The following SKIC3 variants were observed in gnomAD, a reference collection of about 807,000 sequenced individuals.
SKIC3 encodes the protein SKI3 subunit of superkiller complex, also known as superkiller complex protein 3.
At chr5:95,514,447 A>G in the SKIC3 span, among the ~76,000 whole-genome samples, 4 of 152,204 alleles carry the variant, frequency 2.6e-5, no homozygotes, top group East Asian at 7.7e-4. Context: ...TTTTACAGAA[A>G]CATAATATTC....
chr5:95,465,044 C>T, the SKIC3 span, among the ~76,000 whole-genome samples: 445 of 151,276 alleles, frequency 2.9e-3, 4 homozygotes, highest in East Asian at 6.3e-3. Context: ...TCTCCCACCT[C>T]AGCCTTCCAA....
the SKIC3 span, among the ~76,000 whole-genome samples, chr5:95,470,260 G>A: frequency 1.3e-5 from 2 of 152,216 alleles, no homozygotes; most frequent in East Asian, 1.9e-4. Context: ...TTACAGGCGT[G>A]AGCCACCGCG....
At chr5:95,463,918 A>G in the SKIC3 span, 1 of 152,224 alleles carries the variant, frequency 6.6e-6, no homozygotes, top group African/African-American at 2.4e-5. Flanking sequence ...TTTATTTCAG[A>G]AAGTTCAAGT....
At chr5:95,492,345 C>T in the SKIC3 span, among the ~76,000 whole-genome samples, 1 of 149,882 alleles carries the variant, frequency 6.7e-6, no homozygotes, top group African/African-American at 2.5e-5. Context: ...TCCTATAAAA[C>T]AAGACAACTG....
chr5:95,552,510 C>G, the SKIC3 span, among the ~76,000 whole-genome samples: 1 of 151,998 alleles, frequency 6.6e-6, no homozygotes, highest in African/African-American at 2.4e-5. Flanking sequence ...CAAGGCTTAC[C>G]AGTGTTAACA....
the SKIC3 span, among the ~76,000 whole-genome samples, chr5:95,544,731 T>G: frequency 4.6e-3 from 704 of 152,352 alleles, 6 homozygotes; most frequent in African/African-American, 0.016. Flanking sequence ...AGTTAAGTAC[T>G]GACTATCTGC....
At chr5:95,500,482 A>T in the SKIC3 span, among the ~76,000 whole-genome samples, 1 of 152,178 alleles carries the variant, frequency 6.6e-6, no homozygotes, top group African/African-American at 2.4e-5. Context: ...CTTTAACATT[A>T]ATAAAGGGAA....
At chr5:95,499,929 A>G in the SKIC3 span, among the ~76,000 whole-genome samples, 1 of 152,138 alleles carries the variant, frequency 6.6e-6, no homozygotes, top group Non-Finnish European at 1.5e-5. Context: ...TAATTTAAAT[A>G]AAGAAAATCT....
the SKIC3 span, chr5:95,523,284 T>C: frequency 1.9e-6 from 3 of 1,613,768 alleles, no homozygotes; most frequent in Admixed American, 3.3e-5. Context: ...GTTCCAGCAC[T>C]TGCCTTTTGA....
the SKIC3 span, among the ~76,000 whole-genome samples, chr5:95,487,386 T>C: frequency 6.6e-6 from 1 of 152,152 alleles, no homozygotes; most frequent in East Asian, 1.9e-4. Context: ...GCAATCCATC[T>C]AATAGAGGCA....
the SKIC3 span, among the ~76,000 whole-genome samples, chr5:95,515,253 C>G: frequency 1.8e-4 from 28 of 152,220 alleles, no homozygotes; most frequent in East Asian, 5.2e-3. Context: ...TTAAATAAGG[C>G]TATCTATTCC....
chr5:95,541,739 C>T, the SKIC3 span: 5 of 1,045,430 alleles, frequency 4.8e-6, no homozygotes. Context: ...TGCTGGAATA[C>T]TTCTACATGA....
chr5:95,476,519 T>C, the SKIC3 span, among the ~76,000 whole-genome samples: 1 of 152,240 alleles, frequency 6.6e-6, no homozygotes, highest in African/African-American at 2.4e-5. Context: ...GCATACCTTT[T>C]ATTCCTTTAT....
chr5:95,546,233 C>T, the SKIC3 span, among the ~76,000 whole-genome samples: 5 of 151,294 alleles, frequency 3.3e-5, no homozygotes, highest in African/African-American at 9.7e-5. Flanking sequence ...AAAACTACAG[C>T]GGAGTTCACT....
the SKIC3 span, among the ~76,000 whole-genome samples, chr5:95,553,355 C>A: frequency 0.067 from 10,215 of 152,252 alleles, 406 homozygotes; most frequent in South Asian, 0.14. Flanking sequence ...TTAAATATAA[C>A]TTTTATGAAT....
At chr5:95,536,941 G>A in the SKIC3 span, 1 of 1,608,958 alleles carries the variant, frequency 6.2e-7, no homozygotes, top group African/African-American at 1.3e-5. Flanking sequence ...AAATATAAAA[G>A]CAAAATACAC....
chr5:95,531,119 C>G, the SKIC3 span, among the ~76,000 whole-genome samples: 1 of 151,870 alleles, frequency 6.6e-6, no homozygotes, highest in African/African-American at 2.4e-5. Flanking sequence ...GAAGCCCAAA[C>G]CACATGTAGA....
chr5:95,507,049 A>T, the SKIC3 span: 9,820 of 1,573,524 alleles, frequency 6.2e-3, 106 homozygotes, highest in South Asian at 0.037. Flanking sequence ...ATCTCTGTGC[A>T]ATAGCATTCT....
chr5:95,506,086 T>C, the SKIC3 span, among the ~76,000 whole-genome samples: 17 of 152,344 alleles, frequency 1.1e-4, no homozygotes, highest in Admixed American at 9.1e-4. Context: ...GTCCTCTGCT[T>C]CAACAAAATC....
Sources: allele counts gnomAD v4.1 joint callset (sites outside exome capture counted in the v4.1 genomes callset), GRCh38; gene constraint gnomAD v4.1.1; transcripts MANE v1.5; gene names NCBI Gene and HGNC (gene_info 2026-07-23, HGNC 2026-07-21).